Variants in SOX6 observed in about 807,000 individuals in gnomAD.
SOX6 encodes the protein transcription factor SOX-6.
SOX6 carries 11 observed loss-of-function variants against 97.8 expected under a neutral mutation model. The ratio of observed to expected loss-of-function variants is 0.11; its 90% CI spans 0.07 to 0.19. The LOEUF (loss-of-function observed/expected upper bound fraction) is 0.19. SOX6 is among the 10% of genes least tolerant of loss of function. The pLI, the probability that SOX6 is intolerant of heterozygous loss-of-function variation, is 1.00. For synonymous variants in SOX6, 360 were observed against 371.4 expected (o/e 0.97, Z 0.35); for missense variants, 810 against 1,039.5 (o/e 0.78, Z 3.04).
intron 3 of SOX6, among the ~76,000 whole-genome samples, chr11:16,274,156 T>C (rs529296630): frequency 6.6e-6 from 1 of 152,200 alleles, no homozygotes; most frequent in South Asian, 2.1e-4. Flanking sequence ...ATAATGTCCC[T>C]CCTCTCCAGT....
At chr11:16,159,133 C>T (rs1344427799) in intron 6 of SOX6, among the ~76,000 whole-genome samples, 4 of 152,034 alleles carry the variant, frequency 2.6e-5, no homozygotes, top group South Asian at 4.1e-4. Context: ...AGAATACTAT[C>T]ATCAAACTGT....
chr11:16,674,691 A>G (rs1047461543), intron 3 of SOX6, among the ~76,000 whole-genome samples: 3 of 152,088 alleles, frequency 2.0e-5, no homozygotes, highest in African/African-American at 4.8e-5. Context: ...TAGCTCACAC[A>G]TGTAATCCCA....
At chr11:16,075,825 CA>C (rs912123956) in intron 9 of SOX6, among the ~76,000 whole-genome samples, 2 of 151,692 alleles carry the variant, frequency 1.3e-5, no homozygotes, top group African/African-American at 2.4e-5. Flanking sequence ...TAAAGAAATT[CA>C]AAAAAAGGAA....
intron 1 of SOX6, among the ~76,000 whole-genome samples, chr11:16,364,622 T>C (rs950727190): frequency 1.3e-5 from 2 of 152,100 alleles, no homozygotes; most frequent in African/African-American, 4.8e-5. Context: ...CCTCACAAGG[T>C]AATAAGGTAG....
chr11:16,044,693 A>ACT (rs1855773698), intron 12 of SOX6, among the ~76,000 whole-genome samples: 1 of 152,164 alleles, frequency 6.6e-6, no homozygotes, highest in Non-Finnish European at 1.5e-5. Flanking sequence ...AGAATCACAA[A>ACT]ATATATGTGC....
chr11:16,199,581 C>T (rs1851878599), intron 4 of SOX6, among the ~76,000 whole-genome samples: 1 of 152,144 alleles, frequency 6.6e-6, no homozygotes, highest in Non-Finnish European at 1.5e-5. Context: ...AAGACAATGA[C>T]TTCACATAGC....
intron 3 of SOX6, among the ~76,000 whole-genome samples, chr11:16,302,633 G>A (rs968153194): frequency 7.8e-6 from 1 of 128,390 alleles, no homozygotes; most frequent in South Asian, 2.5e-4. Flanking sequence ...TGCAGTGCAC[G>A]ATCTCAGGTC....
At chr11:16,674,216 A>G (rs1181591590) in intron 3 of SOX6, among the ~76,000 whole-genome samples, 2 of 139,486 alleles carry the variant, frequency 1.4e-5, no homozygotes, top group Non-Finnish European at 3.1e-5. Context: ...AAAATCATTC[A>G]TCATGATCAA....
At chr11:16,502,318 G>C (rs928460476) in intron 4 of SOX6, among the ~76,000 whole-genome samples, 2 of 152,174 alleles carry the variant, frequency 1.3e-5, no homozygotes, top group Non-Finnish European at 2.9e-5. Flanking sequence ...TTGTGGGGTG[G>C]AGGGAGTGGG....
intron 4 of SOX6, among the ~76,000 whole-genome samples, chr11:16,604,122 G>A (rs1848304380): frequency 6.6e-6 from 1 of 152,232 alleles, no homozygotes; most frequent in Admixed American, 6.5e-5. Flanking sequence ...AGCTTCGCCG[G>A]CCCTTGGCCG....
chr11:16,036,179 A>G (rs914188746), intron 12 of SOX6, among the ~76,000 whole-genome samples: 1 of 150,732 alleles, frequency 6.6e-6, no homozygotes, highest in Non-Finnish European at 1.5e-5. Context: ...TCCTAGGTTC[A>G]AGCAATTTTC....
rs1000850753 is a variant in SOX6, at chr11:16,343,937, G to A, written c.-4-2685C>T. 2.0e-5 allele frequency among the ~76,000 whole-genome samples: 3 copies of A among 151,872 alleles called. No homozygotes were observed. In the South Asian group the frequency reaches 6.2e-4, roughly 31 times the overall value. On this transcript the variant is annotated intron_variant, in intron 1 of 15. Coordinates refer to ENST00000683767, the MANE Select transcript of SOX6 (RefSeq NM_001367873.1). ...AAAAAAAGCAATATTAAATCTGAGT[G>A]TTCATTCTCAGTTCACACTATCGTT...
At chr11:16,434,887 CT>C (rs1200143209) in intron 1 of SOX6, among the ~76,000 whole-genome samples, 6 of 152,086 alleles carry the variant, frequency 3.9e-5, no homozygotes, top group African/African-American at 1.4e-4. Context: ...TGCCTTGGTC[CT>C]TTTTAATGAT....
At chr11:16,722,907 A>G (rs930877624) in intron 2 of SOX6, among the ~76,000 whole-genome samples, 6 of 152,172 alleles carry the variant, frequency 3.9e-5, no homozygotes, top group Non-Finnish European at 2.9e-5. Flanking sequence ...CCATTGTGAA[A>G]AGCAGTATGG....
intron 12 of SOX6, among the ~76,000 whole-genome samples, chr11:16,025,409 T>C (rs1855189074): frequency 6.6e-6 from 1 of 152,184 alleles, no homozygotes; most frequent in Non-Finnish European, 1.5e-5. Flanking sequence ...GAATTCTATC[T>C]CCACCTAAAC....
chr11:16,547,087 G>A (rs758681692), intron 4 of SOX6, among the ~76,000 whole-genome samples: 36 of 152,154 alleles, frequency 2.4e-4, no homozygotes, highest in African/African-American at 8.4e-4. Flanking sequence ...AGTTAGAATG[G>A]CTATTACTAA....
At chr11:16,143,176 A>T (rs1589969402) in intron 6 of SOX6, among the ~76,000 whole-genome samples, 1 of 152,220 alleles carries the variant, frequency 6.6e-6, no homozygotes, top group African/African-American at 2.4e-5. Context: ...TACAAGCCAG[A>T]ATAGAGTGGG....
At chr11:16,049,663 A>T (rs543132466) in intron 11 of SOX6, 92 bp downstream of exon 11, 3 of 1,434,170 alleles carry the variant, frequency 2.1e-6, no homozygotes, top group Admixed American at 3.8e-5. Flanking sequence ...ACTAAGGAGC[A>T]CTTTGGAAAC....
intron 2 of SOX6, among the ~76,000 whole-genome samples, chr11:16,732,415 G>C (rs953387488): frequency 3.9e-5 from 6 of 152,038 alleles, no homozygotes; most frequent in East Asian, 1.9e-4. Context: ...CAGAACAGAG[G>C]CTTCTGAAAT....
Sources: gnomAD v4.1 joint callset for allele counts (sites outside exome capture counted in the v4.1 genomes callset) on GRCh38, gnomAD v4.1.1 for gene constraint, MANE v1.5 for transcripts, NCBI Gene and HGNC (gene_info 2026-07-23, HGNC 2026-07-21) for gene names.